TMX3: variants seen among roughly 807,000 people sequenced by gnomAD.
TMX3 encodes protein disulfide-isomerase TMX3.
Under a neutral mutation model 64.4 loss-of-function variants are expected in TMX3, and 40 were observed. The ratio of observed to expected loss-of-function variants is 0.62; its 90% confidence interval spans 0.48 to 0.81. TMX3 has a LOEUF of 0.81. Among genes scored for constraint, TMX3 ranks in the 30% least tolerant of loss-of-function variants. TMX3 has a pLI of 0.00. For synonymous variants in TMX3, 189 were observed against 175.7 expected (o/e 1.08, Z -0.60); for missense variants, 497 against 534.5 (o/e 0.93, Z 0.69).
At position 68,673,865 on chromosome 18, in the gene TMX3, A is replaced by T. The variant is rs1472227356; in HGVS notation, c.*3068T>A. Reference sequence around the variant, plus strand: ...GGACTCAGACACATTCAGAAAAAATATATATTTATAAAAATAAAATGTCAA... The same window carrying T: ...GGACTCAGACACATTCAGAAAAAATTTATATTTATAAAAATAAAATGTCAA... On this transcript the variant is annotated 3_prime_UTR_variant, in exon 16 of 16. Transcript: ENST00000299608. 1 of 152,124 alleles carries T rather than the reference A, an allele frequency of 6.6e-6. No homozygotes were observed. Among genetic ancestry groups the T allele is most frequent in the Admixed American group, 6.6e-5 (1 of 15,266 alleles). 9.4% of individuals were successfully genotyped at this position (152,124 alleles called of 1,614,324 possible).
chr18:68,711,973 T>C (rs1390219205), intron 2 of TMX3, among the ~76,000 whole-genome samples: 1 of 152,196 alleles, frequency 6.6e-6, no homozygotes, highest in Admixed American at 6.5e-5. Context: ...AACCTTTAAC[T>C]GTCCCTTAAA....
At chr18:68,698,389 T>C (rs1483218116) in intron 6 of TMX3, among the ~76,000 whole-genome samples, 1 of 152,182 alleles carries the variant, frequency 6.6e-6, no homozygotes. Context: ...AGTTATTTTT[T>C]TCTCCCTTTC....
chr18:68,711,410 A>G lies in TMX3; in HGVS notation c.102-7T>C. On this transcript the variant is annotated splice_region_variant and splice_polypyrimidine_tract_variant and intron_variant, in intron 2 of 15. Coordinates refer to ENST00000299608, the MANE Select transcript of TMX3 (RefSeq NM_019022.5). ...ATTTCGATTTTCTTTAAACCTAAAAAACAAGAAAACAAATGTTTGATTGTA... is the reference window on the plus strand; with the variant it reads ...ATTTCGATTTTCTTTAAACCTAAAAGACAAGAAAACAAATGTTTGATTGTA... 6.3e-7 allele frequency: 1 copy of G among 1,577,398 alleles called. No individual in the cohort carries two copies. The highest frequency in any genetic ancestry group is 8.7e-7 in the Non-Finnish European group (1 of 1,154,064).
chr18:68,699,608 A>G (rs1050229715), intron 6 of TMX3, among the ~76,000 whole-genome samples: 5 of 152,298 alleles, frequency 3.3e-5, no homozygotes, highest in South Asian at 2.1e-4. Flanking sequence ...ATTTAAAGCT[A>G]TCAGTATAAT....
chr18:68,696,813 T>C (rs1915122890), intron 8 of TMX3: 1 of 158,476 alleles, frequency 6.3e-6, no homozygotes, highest in African/African-American at 2.4e-5. Context: ...TGATATCCTG[T>C]TTATTGATTT....
intron 1 of TMX3, 97 bp downstream of exon 1, chr18:68,714,839 C>T: frequency 6.7e-7 from 1 of 1,500,512 alleles, no homozygotes. Flanking sequence ...TCCACGAACC[C>T]CGCAGGCCTC....
chr18:68,706,752 C>T (rs2145125287), intron 4 of TMX3, among the ~76,000 whole-genome samples: 1 of 152,254 alleles, frequency 6.6e-6, no homozygotes, highest in East Asian at 1.9e-4. Flanking sequence ...TGTTTGATTC[C>T]AAGTTCTACT....
Position 68,675,213 on chromosome 18 carries a change from A to C in TMX3, c.*1720T>G, listed in dbSNP as rs1912828866. 1 of 152,168 alleles carries C rather than the reference A, an allele frequency of 6.6e-6. No homozygotes were observed. The highest frequency in any genetic ancestry group is 1.5e-5 in the Non-Finnish European group (1 of 68,008). 9.4% of individuals were successfully genotyped at this position (152,168 alleles called of 1,614,324 possible). On this transcript the variant is annotated 3_prime_UTR_variant, in exon 16 of 16. Transcript: ENST00000299608. The stretch of plus-strand genomic sequence containing the variant: ...TGGGAACATTAACATTTATCTTCCC[A>C]AGAATCACTCATCATTCTTTGGAGA...
At chr18:68,695,698 C>T (rs1914993431) in intron 8 of TMX3, among the ~76,000 whole-genome samples, 1 of 152,298 alleles carries the variant, frequency 6.6e-6, no homozygotes, top group Non-Finnish European at 1.5e-5. Context: ...TCTTCCCAAC[C>T]CTCACTAACC....
chr18:68,697,234 C>T lies in TMX3; in HGVS notation c.562G>A (p.Val188Ile), dbSNP rs769852358. The change falls in exon 8 of 16, where the codon GTT becomes ATT. Residue 188 changes from valine to isoleucine, a missense_variant. By Grantham distance (29) the Val-to-Ile change is conservative. Coordinates refer to ENST00000299608, the MANE Select transcript of TMX3 (RefSeq NM_019022.5). Reference protein sequence around the residue: ...TYFFSASEEVVPEYVTLKEMP... With the variant: ...TYFFSASEEVIPEYVTLKEMP... ...CAAATTTTAAATATTACCTCAGGAACCACTTCTTCTGAGGCAGAAAAGAAG... is the reference window on the plus strand; with the variant it reads ...CAAATTTTAAATATTACCTCAGGAATCACTTCTTCTGAGGCAGAAAAGAAG... 8.4e-6 allele frequency: 13 copies of T among 1,556,448 alleles called. No individual in the cohort carries two copies. In the South Asian group the frequency reaches 1.3e-4, roughly 16 times the overall value.
intron 4 of TMX3, among the ~76,000 whole-genome samples, chr18:68,705,096 T>G (rs996142965): frequency 6.6e-6 from 1 of 152,214 alleles, no homozygotes; most frequent in Non-Finnish European, 1.5e-5. Context: ...GAAGACACTT[T>G]GTTTTCTAAA....
rs2031272539 is a variant in TMX3, at chr18:68,711,493, T to C, written c.102-90A>G. On this transcript the variant is annotated intron_variant, in intron 2 of 15. Coordinates refer to ENST00000299608, the MANE Select transcript of TMX3 (RefSeq NM_019022.5). ...GGCAGAGATAATACATTGATAAATA[T>C]AAGGGAAAGACCCAAATTCCTTCAA... is the stretch of plus-strand genomic sequence containing the variant. 17 of 900,528 alleles carry C rather than the reference T, an allele frequency of 1.9e-5. 1 individual carries two copies. The South Asian group carries it at 3.3e-4, about 18-fold the overall frequency. The allele number at this position is 900,528 out of a possible 1,614,324, so 55.8% of individuals were successfully genotyped here.
rs767922198 is a variant in TMX3 at position 68,698,066 on chromosome 18, T to G, written c.393-35A>C. The G allele has an allele frequency of 5.7e-6, 8 of 1,412,056 alleles. No individual in the cohort carries two copies. The African/African-American group carries it at 9.9e-5, about 18-fold the overall frequency. 87.5% of individuals were successfully genotyped at this position (1,412,056 alleles called of 1,614,324 possible). ...AACAAAACAAAAAACAAACTTGAATTATAAACTAAAGTACATAATTTACTA... is the reference window on the plus strand; with the variant it reads ...AACAAAACAAAAAACAAACTTGAATGATAAACTAAAGTACATAATTTACTA... On this transcript the variant is annotated intron_variant, in intron 6 of 15. Transcript: ENST00000299608.
intron 6 of TMX3, among the ~76,000 whole-genome samples, chr18:68,699,021 C>T (rs78030190): frequency 1.1e-5 from 1 of 91,990 alleles, no homozygotes; most frequent in African/African-American, 4.3e-5. Context: ...GACTCCGCCT[C>T]AAAAAAAAAA....
Position 68,714,969 on chromosome 18 carries a change from T to G in TMX3, c.13A>C (p.Lys5Gln), listed in dbSNP as rs1406167451. 1.3e-6 allele frequency: 2 copies of G among 1,574,928 alleles called. No individual in the cohort carries two copies. The highest frequency in any genetic ancestry group is 2.7e-5 in the African/African-American group (2 of 73,680). The change falls in exon 1 of 16, where the codon AAG becomes CAG. Residue 5 changes from lysine (K) to glutamine (Q), a missense_variant. Lys to Gln is a moderately conservative substitution (Grantham distance 53). Transcript: ENST00000299608. Reference protein sequence around the residue: MAAWKSWTALRLCAT... With the variant: MAAWQSWTALRLCAT... ...CAGAGCCGCAGGGCCGTCCAACTCT[T>G]CCACGCTGCCATGCTAGCCCGGGAG...
chr18:68,678,411 T>G (rs1310662971), intron 15 of TMX3, among the ~76,000 whole-genome samples: 2 of 151,874 alleles, frequency 1.3e-5, no homozygotes, highest in Non-Finnish European at 2.9e-5. Flanking sequence ...GGGAGAACAA[T>G]TTCGTAAGAG....
rs1041592381 is a variant in TMX3 at position 68,675,749 on chromosome 18, G to C, written c.*1184C>G. 1 of 152,078 alleles carries C rather than the reference G, an allele frequency of 6.6e-6. No homozygotes were observed. Among genetic ancestry groups the C allele is most frequent in the Admixed American group, 6.6e-5 (1 of 15,266 alleles). 9.4% of individuals were successfully genotyped at this position (152,078 alleles called of 1,614,324 possible). A position where few individuals can be genotyped will look rare whatever the true frequency, so the allele number is the denominator to read the frequency against. ...TACCAAACTGTTACTTTAAAAAAAA[G>C]AGTTTTTAGACATTGCTTTGGAAAG... is the stretch of plus-strand genomic sequence containing the variant. On this transcript the variant is annotated 3_prime_UTR_variant, in exon 16 of 16. Coordinates refer to ENST00000299608, the MANE Select transcript of TMX3 (RefSeq NM_019022.5).
At chr18:68,698,512 C>T (rs1915336813) in intron 6 of TMX3, among the ~76,000 whole-genome samples, 1 of 151,586 alleles carries the variant, frequency 6.6e-6, no homozygotes, top group South Asian at 2.1e-4. Flanking sequence ...TTTTAAGTAC[C>T]CTATGGAGGT....
intron 5 of TMX3, chr18:68,700,967 A>C: frequency 2.0e-6 from 2 of 985,196 alleles, no homozygotes; most frequent in Non-Finnish European, 2.4e-6. Context: ...AGAAACGTAC[A>C]TAATTCTTCA....
Sources: gnomAD v4.1 joint callset for allele counts (sites outside exome capture counted in the v4.1 genomes callset) on GRCh38, gnomAD v4.1.1 for gene constraint, MANE v1.5 for transcripts, NCBI Gene and HGNC (gene_info 2026-07-23, HGNC 2026-07-21) for gene names.